ANKRD30A: variants seen among roughly 807,000 people sequenced by gnomAD.
ANKRD30A encodes the protein ankyrin repeat domain-containing protein 30A.
In ANKRD30A, 170 loss-of-function variants were observed where a neutral mutation model predicts 166.3. That is an observed-to-expected ratio of 1.02 (90% CI 0.90 to 1.16). ANKRD30A has a LOEUF of 1.16. Ranked by LOEUF, ANKRD30A falls within the 50% of genes most tolerant of loss-of-function variation. The pLI, the probability that ANKRD30A is intolerant of heterozygous loss-of-function variation, is 0.00. For missense variants in ANKRD30A, 1,630 were observed against 1,518.0 expected (o/e 1.07, Z -1.23); for synonymous variants, 564 against 508.9 (o/e 1.11, Z -1.46).
In ANKRD30A at chr10:37,219,803, A is replaced by G. The variant is rs758890793; in HGVS notation, c.4091A>G (p.His1364Arg). 6.2e-6 allele frequency: 10 copies of G among 1,605,770 alleles called. No individual in the cohort carries two copies. The highest frequency in any genetic ancestry group is 3.4e-5 in the Admixed American group (2 of 59,296). ...IHFLERKMQH[H>R]LLKEKNEEIF... ...TTTCTTGAGAGGAAAATGCAACATC[A>G]TCTCCTAAAAGAGAAAAATGAGGAG... The change falls in exon 34 of 36, where the codon CAT becomes CGT. Residue 1364 changes from histidine (H) to arginine (R), a missense_variant. His to Arg is a conservative substitution (Grantham distance 29). Coordinates refer to ENST00000361713, the MANE Select transcript of ANKRD30A (RefSeq NM_052997.3).
At chr10:37,204,938 G>T (rs1841892641) in intron 31 of ANKRD30A, among the ~76,000 whole-genome samples, 2 of 152,128 alleles carry the variant, frequency 1.3e-5, no homozygotes, top group Admixed American at 1.3e-4. Flanking sequence ...TCATTAAAAA[G>T]TCAGGAAACA....
At chr10:37,206,753 C>T (rs777938010) in intron 31 of ANKRD30A, among the ~76,000 whole-genome samples, 1 of 152,018 alleles carries the variant, frequency 6.6e-6, no homozygotes, top group Non-Finnish European at 1.5e-5. Context: ...GAGATTGCTC[C>T]ACTGCACTCC....
intron 31 of ANKRD30A, among the ~76,000 whole-genome samples, chr10:37,212,190 T>C (rs1400469749): frequency 1.3e-5 from 2 of 152,038 alleles, no homozygotes; most frequent in African/African-American, 2.4e-5. Flanking sequence ...ACAAAATCAA[T>C]GTGCAAAAAT....
the ANKRD30A span, chr10:37,240,781 T>G: frequency 1.3e-5 from 2 of 152,170 alleles, no homozygotes; most frequent in Admixed American, 1.3e-4. Context: ...TATCTGTGTG[T>G]TCCAGTAGTG....
intron 35 of ANKRD30A, 29 bp from the exon 36 acceptor site, chr10:37,232,470 A>G (rs1034415102): frequency 1.3e-5 from 2 of 150,518 alleles, no homozygotes; most frequent in Non-Finnish European, 3.0e-5. Context: ...CTACAACCAC[A>G]CATAAGCCAT....
At chr10:37,171,715 A>G (rs1448862459) in intron 21 of ANKRD30A, among the ~76,000 whole-genome samples, 2 of 151,218 alleles carry the variant, frequency 1.3e-5, no homozygotes, top group Non-Finnish European at 3.0e-5. Flanking sequence ...TTTTAAAAAG[A>G]TATAAATCAA....
At chr10:37,217,933 ACTTT>A in intron 33 of ANKRD30A, 55 bp downstream of exon 33, 1 of 1,267,270 alleles carries the variant, frequency 7.9e-7, no homozygotes. Flanking sequence ...CATCAATATT[ACTTT>A]TAATATCCCT....
At position 37,146,567 on chromosome 10, in the gene ANKRD30A, A is replaced by T. The variant is rs1209541142; in HGVS notation, c.1456-803A>T. ...CACAGATATTCTTCTCTGCCAGTCCAGCTGAGGGCGTCTGAGTGGCTTACA... is the reference window on the plus strand; with the variant it reads ...CACAGATATTCTTCTCTGCCAGTCCTGCTGAGGGCGTCTGAGTGGCTTACA... On this transcript the variant is annotated intron_variant, in intron 8 of 35. Coordinates refer to ENST00000361713, the MANE Select transcript of ANKRD30A (RefSeq NM_052997.3). 2.0e-5 allele frequency among the ~76,000 whole-genome samples: 3 copies of T among 152,212 alleles called. No individual in the cohort carries two copies. The East Asian group carries it at 5.8e-4, about 29-fold the overall frequency.
chr10:37,252,971 A>G, the ANKRD30A span, among the ~76,000 whole-genome samples: 1 of 152,210 alleles, frequency 6.6e-6, no homozygotes, highest in African/African-American at 2.4e-5. Context: ...CTAAGAATCA[A>G]CCAGCATTGG....
intron 31 of ANKRD30A, among the ~76,000 whole-genome samples, chr10:37,202,214 C>T (rs565336040): frequency 1.4e-4 from 22 of 151,928 alleles, no homozygotes; most frequent in African/African-American, 3.9e-4. Context: ...AAAGGGGCAA[C>T]GCAATAGAAA....
the ANKRD30A span, among the ~76,000 whole-genome samples, chr10:37,245,017 C>A: frequency 6.6e-6 from 1 of 152,116 alleles, no homozygotes; most frequent in South Asian, 2.1e-4. Context: ...CAAAGCTCTG[C>A]AGAGCAAGGA....
intron 4 of ANKRD30A, among the ~76,000 whole-genome samples, 173 bp downstream of exon 4, chr10:37,132,519 A>G (rs1352228522): frequency 1.3e-5 from 2 of 152,218 alleles, no homozygotes; most frequent in Non-Finnish European, 2.9e-5. Flanking sequence ...AAAGAACAGT[A>G]TATAGTAGGA....
chr10:37,130,599 T>A (rs1836325593), intron 3 of ANKRD30A, among the ~76,000 whole-genome samples: 1 of 152,232 alleles, frequency 6.6e-6, no homozygotes, highest in Admixed American at 6.5e-5. Context: ...TTTGAATGTG[T>A]TAAAGGTAAA....
At chr10:37,263,043 AAAGATT>A in the ANKRD30A span, among the ~76,000 whole-genome samples, 15 of 152,172 alleles carry the variant, frequency 9.9e-5, no homozygotes, top group Non-Finnish European at 2.1e-4. Context: ...GTTTATGATT[AAAGATT>A]AAGTTTTATA....
In ANKRD30A at chr10:37,152,126, T is replaced by A; in HGVS notation, c.1707+5T>A. 2 of 1,599,226 alleles carry A rather than the reference T, an allele frequency of 1.3e-6. No individual in the cohort carries two copies. The highest frequency in any genetic ancestry group is 1.7e-6 in the Non-Finnish European group (2 of 1,168,880). On this transcript the variant is annotated splice_donor_5th_base_variant and intron_variant, in intron 12 of 35. Coordinates refer to ENST00000361713, the MANE Select transcript of ANKRD30A (RefSeq NM_052997.3). ...GAAAATTCTTGGGATTCTGAGGTACTATGTGTTATTGATTTTTTTTTAATA... is the reference window on the plus strand; with the variant it reads ...GAAAATTCTTGGGATTCTGAGGTACAATGTGTTATTGATTTTTTTTTAATA...
chr10:37,130,379 G>A lies in ANKRD30A; in HGVS notation c.510+1G>A, dbSNP rs753930280. ...TGCAGTCATCGAAGTGCACAACAAG[G>A]TAGACACTAACCAATGTTATTTTCA... On this transcript the variant is annotated splice_donor_variant, in intron 3 of 35. Coordinates refer to ENST00000361713, the MANE Select transcript of ANKRD30A (RefSeq NM_052997.3). LOFTEE classifies it high-confidence loss of function. 6.8e-7 allele frequency: 1 copy of A among 1,465,514 alleles called. No homozygotes were observed. Among genetic ancestry groups the A allele is most frequent in the Non-Finnish European group, 9.1e-7 (1 of 1,103,550 alleles). 90.8% of individuals were successfully genotyped at this position (1,465,514 alleles called of 1,614,324 possible). A position where few individuals can be genotyped will look rare whatever the true frequency, so the allele number is the denominator to read the frequency against.
chr10:37,211,464 C>G (rs1842311806), intron 31 of ANKRD30A, among the ~76,000 whole-genome samples: 1 of 152,040 alleles, frequency 6.6e-6, no homozygotes, highest in African/African-American at 2.4e-5. Context: ...GACATGAACT[C>G]ATCATTTTTT....
At chr10:37,260,770 C>T in the ANKRD30A span, among the ~76,000 whole-genome samples, 2 of 152,088 alleles carry the variant, frequency 1.3e-5, no homozygotes, top group African/African-American at 4.8e-5. Flanking sequence ...AGCCTGTGAG[C>T]CACAAATCTG....
chr10:37,215,816 T>C (rs1310889010), intron 31 of ANKRD30A, among the ~76,000 whole-genome samples: 1 of 151,490 alleles, frequency 6.6e-6, no homozygotes, highest in Non-Finnish European at 1.5e-5. Flanking sequence ...CTAAAATGCT[T>C]TTCTTCCCCC....
Sources: allele counts gnomAD v4.1 joint callset (sites outside exome capture counted in the v4.1 genomes callset), GRCh38; gene constraint gnomAD v4.1.1; transcripts MANE v1.5; gene names NCBI Gene and HGNC (gene_info 2026-07-23, HGNC 2026-07-21).